TOP6BL: variants seen among roughly 807,000 people sequenced by gnomAD.
The protein encoded by TOP6BL is TOP6B like initiator of meiotic double strand breaks, also known as type 2 DNA topoisomerase 6 subunit B-like.
chr11:66,780,575 A>AT, the TOP6BL span, among the ~76,000 whole-genome samples: 12 of 151,006 alleles, frequency 7.9e-5, no homozygotes, highest in African/African-American at 3.0e-4. Context: ...GTTTTTATTT[A>AT]TTTATTTTAT....
the TOP6BL span, among the ~76,000 whole-genome samples, chr11:66,802,968 C>A: frequency 1.2e-4 from 18 of 152,152 alleles, no homozygotes; most frequent in African/African-American, 2.4e-4. Flanking sequence ...TTAATTAATT[C>A]ATTCATTCTT....
the TOP6BL span, among the ~76,000 whole-genome samples, chr11:66,779,645 C>A: frequency 1.3e-5 from 2 of 152,214 alleles, no homozygotes; most frequent in Non-Finnish European, 2.9e-5. Context: ...CATTTGACCC[C>A]GCCATCCCAT....
the TOP6BL span, among the ~76,000 whole-genome samples, chr11:66,751,918 T>G: frequency 6.6e-6 from 1 of 152,340 alleles, no homozygotes; most frequent in South Asian, 2.1e-4. Context: ...TTCCAGCATT[T>G]GTCTAAATCT....
At chr11:66,800,664 G>A in the TOP6BL span, 2 of 1,605,932 alleles carry the variant, frequency 1.2e-6, no homozygotes, top group Middle Eastern at 1.7e-4. Context: ...TCAGTGTAAA[G>A]GTAAATGGAA....
the TOP6BL span, among the ~76,000 whole-genome samples, chr11:66,792,296 A>T: frequency 1.3e-4 from 20 of 152,264 alleles, no homozygotes; most frequent in African/African-American, 4.6e-4. Context: ...TCACATTGTC[A>T]TATAAATTAG....
the TOP6BL span, among the ~76,000 whole-genome samples, chr11:66,830,843 G>A: frequency 1.3e-5 from 2 of 152,164 alleles, no homozygotes; most frequent in African/African-American, 4.8e-5. Context: ...TGATAGCACT[G>A]TATCTGTTTT....
At chr11:66,767,573 T>C in the TOP6BL span, among the ~76,000 whole-genome samples, 1 of 152,240 alleles carries the variant, frequency 6.6e-6, no homozygotes, top group African/African-American at 2.4e-5. Context: ...TAGCTCTTTA[T>C]ACAGTATGGC....
the TOP6BL span, among the ~76,000 whole-genome samples, chr11:66,833,468 G>A: frequency 1.8e-4 from 27 of 152,086 alleles, no homozygotes; most frequent in Non-Finnish European, 3.5e-4. Context: ...ATTTGGGGTG[G>A]GGGAGAATGC....
the TOP6BL span, among the ~76,000 whole-genome samples, chr11:66,791,532 CTT>C: frequency 2.0e-5 from 3 of 152,054 alleles, no homozygotes; most frequent in Admixed American, 1.3e-4. Context: ...GAGAGACAGA[CTT>C]TCTTCTAGAA....
the TOP6BL span, chr11:66,816,019 A>G: frequency 6.5e-7 from 1 of 1,548,678 alleles, no homozygotes; most frequent in Non-Finnish European, 8.8e-7. Context: ...AGCTTTACTT[A>G]TCTTAGAAAT....
chr11:66,838,263 C>T, the TOP6BL span: 2 of 893,326 alleles, frequency 2.2e-6, no homozygotes, highest in South Asian at 2.9e-5. Flanking sequence ...CAGGTGAGGG[C>T]AGATAACCTT....
At chr11:66,799,998 TTGAGCC>T in the TOP6BL span, among the ~76,000 whole-genome samples, 1 of 151,408 alleles carries the variant, frequency 6.6e-6, no homozygotes, top group Non-Finnish European at 1.5e-5. Flanking sequence ...GGAGGATCAC[TTGAGCC>T]TGGGAGACCA....
At chr11:66,790,050 A>G in the TOP6BL span, among the ~76,000 whole-genome samples, 1 of 152,136 alleles carries the variant, frequency 6.6e-6, no homozygotes, top group Non-Finnish European at 1.5e-5. Flanking sequence ...AGGCGGGTGG[A>G]TCATGAGGTC....
the TOP6BL span, among the ~76,000 whole-genome samples, chr11:66,786,528 A>T: frequency 6.7e-6 from 1 of 150,200 alleles, no homozygotes; most frequent in Non-Finnish European, 1.5e-5. Context: ...GAGTGAGACT[A>T]CTGAAATTGA....
chr11:66,825,624 G>A, the TOP6BL span, among the ~76,000 whole-genome samples: 4 of 152,134 alleles, frequency 2.6e-5, no homozygotes, highest in Non-Finnish European at 4.4e-5. Context: ...TTTAATTTCA[G>A]ATTCCCTGCC....
the TOP6BL span, among the ~76,000 whole-genome samples, chr11:66,812,881 TC>T: frequency 6.6e-6 from 1 of 151,558 alleles, no homozygotes; most frequent in Non-Finnish European, 1.5e-5. Context: ...CTGCTAAACA[TC>T]CTATAGTGCA....
chr11:66,801,282 A>G, the TOP6BL span: 2 of 614,916 alleles, frequency 3.3e-6, no homozygotes, highest in African/African-American at 1.9e-5. Flanking sequence ...TAAGTTATTT[A>G]TGTATTTGAA....
the TOP6BL span, among the ~76,000 whole-genome samples, chr11:66,807,799 G>T: frequency 6.6e-6 from 1 of 152,146 alleles, no homozygotes. Context: ...AAGAATCCAG[G>T]ACCTGCTGAG....
At chr11:66,807,466 G>A in the TOP6BL span, among the ~76,000 whole-genome samples, 1 of 152,140 alleles carries the variant, frequency 6.6e-6, no homozygotes, top group Non-Finnish European at 1.5e-5. Context: ...AGCTACTCAG[G>A]AGGCTGAGGC....
Sources: gnomAD v4.1 joint callset for allele counts (sites outside exome capture counted in the v4.1 genomes callset) on GRCh38, gnomAD v4.1.1 for gene constraint, MANE v1.5 for transcripts, NCBI Gene and HGNC (gene_info 2026-07-23, HGNC 2026-07-21) for gene names.